Variants in MAP3K13 observed in about 807,000 individuals in gnomAD.
The protein encoded by MAP3K13 is leucine zipper-bearing kinase.
A neutral mutation model predicts 104.0 loss-of-function variants in MAP3K13; 52 were observed. The ratio of observed to expected loss-of-function variants is 0.50; its 90% confidence interval spans 0.40 to 0.63. MAP3K13 has a LOEUF of 0.63. Ranked by LOEUF, MAP3K13 falls within the 20% of genes least tolerant of loss-of-function variation. MAP3K13 has a pLI of 0.00. For missense variants in MAP3K13, 914 were observed against 1,218.5 expected, an observed-to-expected ratio of 0.75 and a Z score of 3.72; for synonymous variants, 394 against 442.2, an observed-to-expected ratio of 0.89 and a Z score of 1.37.
At chr3:185,289,223 C>G (rs868667156) in intron 2 of MAP3K13, among the ~76,000 whole-genome samples, 1 of 152,044 alleles carries the variant, frequency 6.6e-6, no homozygotes, top group African/African-American at 2.4e-5. Context: ...GCAGTGAACT[C>G]CTGGTAATTA....
Position 185,353,690 on chromosome 3 carries a change from T to C in MAP3K13, c.-86+68047T>C, listed in dbSNP as rs565301952. 3.3e-5 allele frequency among the ~76,000 whole-genome samples: 5 copies of C among 152,332 alleles called. No homozygotes were observed. The South Asian group carries it at 1.0e-3, about 32-fold the overall frequency. Reference sequence around the variant, plus strand: ...TTACTGATTCAGTGTTAATATCTTATCATCTTTGACTTCTAGTTCTTCACT... The same window carrying C: ...TTACTGATTCAGTGTTAATATCTTACCATCTTTGACTTCTAGTTCTTCACT... On this transcript the variant is annotated intron_variant, in intron 2 of 14. Coordinates refer to the MAP3K13 transcript ENST00000424227.
chr3:185,429,316 G>T (rs1714614493), intron 2 of MAP3K13, among the ~76,000 whole-genome samples: 1 of 152,024 alleles, frequency 6.6e-6, no homozygotes. Flanking sequence ...AACAATCCAT[G>T]GGATTATAAG....
At chr3:185,431,858 A>G (rs1490428606) in intron 2 of MAP3K13, among the ~76,000 whole-genome samples, 2 of 152,124 alleles carry the variant, frequency 1.3e-5, no homozygotes, top group Non-Finnish European at 2.9e-5. Flanking sequence ...TGGTATATCT[A>G]TCACTTCCAG....
At chr3:185,415,989 A>T (rs565650784) in intron 1 of MAP3K13, among the ~76,000 whole-genome samples, 1 of 152,322 alleles carries the variant, frequency 6.6e-6, no homozygotes, top group Admixed American at 6.5e-5. Context: ...TAAAACCTAG[A>T]ATGTAAAAAT....
intron 2 of MAP3K13, among the ~76,000 whole-genome samples, chr3:185,297,144 A>C (rs1051630991): frequency 2.6e-5 from 4 of 152,232 alleles, no homozygotes; most frequent in African/African-American, 9.6e-5. Context: ...CTTCTAAAAA[A>C]AAACTTGCTT....
rs546445596 is a variant in MAP3K13, at chr3:185,309,738, C to T, written c.-86+24095C>T. ...CAGGGTAGAAGCAAAAGCTGCCTGC[C>T]CTTAGGGAAGGCACAGAACATTCTC... On this transcript the variant is annotated intron_variant, in intron 2 of 14. Coordinates refer to the MAP3K13 transcript ENST00000424227. 4.1e-4 allele frequency among the ~76,000 whole-genome samples: 62 copies of T among 152,192 alleles called. 1 individual carries two copies. Among genetic ancestry groups the T allele is most frequent in the African/African-American group, 1.4e-3 (58 of 41,516 alleles).
chr3:185,486,773 T>C lies in MAP3K13; in HGVS notation c.*4317T>C, dbSNP rs1029256459. 2 of 152,208 alleles carry C rather than the reference T, an allele frequency of 1.3e-5. No homozygotes were observed. Among genetic ancestry groups the C allele is most frequent in the Non-Finnish European group, 2.9e-5 (2 of 68,036 alleles). The allele number at this position is 152,208 out of a possible 1,614,324, so 9.4% of individuals were successfully genotyped here. A position where few individuals can be genotyped will look rare whatever the true frequency, so the allele number is the denominator to read the frequency against. ...CATTTGGTTCTGATTTTCATCTATT[T>C]CAAGATCATATCCTCTGGATAACAG... On this transcript the variant is annotated 3_prime_UTR_variant, in exon 14 of 14. Transcript: ENST00000265026.
At chr3:185,454,994 T>G (rs1476890953) in intron 7 of MAP3K13, among the ~76,000 whole-genome samples, 1 of 43,720 alleles carries the variant, frequency 2.3e-5, no homozygotes, top group East Asian at 4.3e-4. Context: ...ATGAGATATA[T>G]ATGATATATA....
chr3:185,394,845 CTG>C (rs1184165954), intron 1 of MAP3K13, among the ~76,000 whole-genome samples: 1 of 152,166 alleles, frequency 6.6e-6, no homozygotes, highest in African/African-American at 2.4e-5. Flanking sequence ...AATCTACTGA[CTG>C]TGTAACATTA....
In MAP3K13 at chr3:185,483,469, G is replaced by C. The variant is rs1179062786; in HGVS notation, c.*1013G>C. ...GGGTGAGAGAGGAAGAACATCTACA[G>C]TGGTGTTAGGAAAACGAACGTGGAA... On this transcript the variant is annotated 3_prime_UTR_variant, in exon 14 of 14. Transcript: ENST00000265026. 8.7e-6 allele frequency: 2 copies of C among 230,424 alleles called. No homozygotes were observed. Among genetic ancestry groups the C allele is most frequent in the African/African-American group, 4.4e-5 (2 of 45,156 alleles). 14.3% of individuals were successfully genotyped at this position (230,424 alleles called of 1,614,324 possible). A position where few individuals can be genotyped will look rare whatever the true frequency, so the allele number is the denominator to read the frequency against.
At chr3:185,357,392 G>A (rs1239410428) in intron 2 of MAP3K13, among the ~76,000 whole-genome samples, 1 of 144,342 alleles carries the variant, frequency 6.9e-6, no homozygotes. Flanking sequence ...AGGTTACGGT[G>A]AGCCAAGATC....
chr3:185,373,473 C>G (rs1724256949), intron 1 of MAP3K13, among the ~76,000 whole-genome samples: 1 of 152,126 alleles, frequency 6.6e-6, no homozygotes, highest in Admixed American at 6.5e-5. Context: ...GAAACCCCGA[C>G]TCTGCTAAAA....
chr3:185,370,521 T>G (rs1216644955), intron 1 of MAP3K13, among the ~76,000 whole-genome samples: 2 of 152,124 alleles, frequency 1.3e-5, no homozygotes, highest in Non-Finnish European at 2.9e-5. Context: ...TATAGAAATT[T>G]AGCCTCCATG....
chr3:185,364,791 C>A (rs1353654259), intron 1 of MAP3K13, among the ~76,000 whole-genome samples: 2 of 152,106 alleles, frequency 1.3e-5, no homozygotes, highest in Non-Finnish European at 2.9e-5. Flanking sequence ...TATACTCGGA[C>A]AATTATGGTT....
chr3:185,308,009 C>CTTTTTT (rs33949195), intron 2 of MAP3K13, among the ~76,000 whole-genome samples: 5 of 31,564 alleles, frequency 1.6e-4, no homozygotes, highest in Admixed American at 4.0e-4. Flanking sequence ...TCTTTGGGGT[C>CTTTTTT]TTTTTTTTTT....
intron 1 of MAP3K13, among the ~76,000 whole-genome samples, chr3:185,390,362 A>G (rs966867213): frequency 1.3e-5 from 2 of 152,168 alleles, no homozygotes; most frequent in African/African-American, 4.8e-5. Context: ...TGGAGTCAGC[A>G]TTCAGTTTCA....
chr3:185,301,288 CAAGTT>C (rs1459328970), intron 2 of MAP3K13, among the ~76,000 whole-genome samples: 1 of 149,704 alleles, frequency 6.7e-6, no homozygotes, highest in African/African-American at 2.4e-5. Flanking sequence ...AAATGTCTGT[CAAGTT>C]CTTTGCCCAT....
intron 7 of MAP3K13, among the ~76,000 whole-genome samples, chr3:185,461,672 C>A (rs1405005188): frequency 6.6e-6 from 1 of 150,834 alleles, no homozygotes; most frequent in African/African-American, 2.5e-5. Context: ...AAGCGGTTCT[C>A]CTGCCTCAGC....
At chr3:185,359,349 G>C (rs1374698045), upstream of MAP3K13, among the ~76,000 whole-genome samples, 1 of 152,044 alleles carries the variant, frequency 6.6e-6, no homozygotes, top group Admixed American at 6.6e-5. Context: ...CAACACATGG[G>C]GATTATGGGA....
Sources: gnomAD v4.1 joint callset for allele counts (sites outside exome capture counted in the v4.1 genomes callset) on GRCh38, gnomAD v4.1.1 for gene constraint, MANE v1.5 for transcripts, NCBI Gene and HGNC (gene_info 2026-07-23, HGNC 2026-07-21) for gene names.